Variants in C12orf56 observed in about 807,000 individuals in gnomAD.
The protein encoded by C12orf56 is uncharacterized protein C12orf56.
A neutral mutation model predicts 69.9 loss-of-function variants in C12orf56; 71 were observed. The observed-to-expected ratio is 1.02, with a 90% CI of 0.84 to 1.24. The LOEUF is 1.24. Among genes scored for constraint, C12orf56 ranks in the 50% most tolerant of loss-of-function variants. The probability of loss-of-function intolerance (pLI) is 0.00; values close to 1 mark genes in which losing one functional copy is unlikely to be tolerated. For synonymous variants in C12orf56, 276 were observed against 274.1 expected (o/e 1.01, Z -0.07); for missense variants, 732 against 738.5 (o/e 0.99, Z 0.10).
chr12:64,330,377 A>G (rs1015887075), intron 3 of C12orf56, among the ~76,000 whole-genome samples: 1 of 151,880 alleles, frequency 6.6e-6, no homozygotes, highest in Non-Finnish European at 1.5e-5. Context: ...TTCTGCCTGG[A>G]TCTCCTCTCC....
chr12:64,274,333 G>A (rs899013996), intron 11 of C12orf56, among the ~76,000 whole-genome samples: 1 of 152,218 alleles, frequency 6.6e-6, no homozygotes, highest in African/African-American at 2.4e-5. Context: ...GCCATAGCAC[G>A]CAGGGCCCTG....
At chr12:64,360,494 A>ATAGG (rs1482491697) in intron 1 of C12orf56, among the ~76,000 whole-genome samples, 1 of 152,142 alleles carries the variant, frequency 6.6e-6, no homozygotes, top group South Asian at 2.1e-4. Context: ...CATATAGATA[A>ATAGG]TAGGTAGGTA....
intron 2 of C12orf56, among the ~76,000 whole-genome samples, chr12:64,334,457 A>G (rs1027047639): frequency 6.6e-6 from 1 of 152,218 alleles, no homozygotes; most frequent in Non-Finnish European, 1.5e-5. Context: ...AAAATGGTAT[A>G]GTATTTTCAT....
At chr12:64,282,265 A>G (rs2038139475) in intron 8 of C12orf56, among the ~76,000 whole-genome samples, 1 of 152,226 alleles carries the variant, frequency 6.6e-6, no homozygotes, top group Admixed American at 6.5e-5. Flanking sequence ...AGCTCAGCAA[A>G]CTATGGCCTG....
intron 1 of C12orf56, among the ~76,000 whole-genome samples, chr12:64,358,461 A>C (rs745497380): frequency 5.3e-5 from 4 of 75,672 alleles, no homozygotes; most frequent in Non-Finnish European, 8.2e-5. Context: ...CCATCTCAAA[A>C]GTAATAATAA....
chr12:64,274,450 G>T (rs1371459695), intron 11 of C12orf56, among the ~76,000 whole-genome samples: 1 of 152,206 alleles, frequency 6.6e-6, no homozygotes, highest in East Asian at 1.9e-4. Flanking sequence ...CCCTCAGCCT[G>T]TAATCTGGTG....
intron 1 of C12orf56, among the ~76,000 whole-genome samples, chr12:64,368,168 A>G (rs2039523945): frequency 6.6e-6 from 1 of 152,086 alleles, no homozygotes; most frequent in Non-Finnish European, 1.5e-5. Context: ...CAGTAGCGCA[A>G]TCATGGCTAC....
intron 1 of C12orf56, among the ~76,000 whole-genome samples, chr12:64,353,446 C>T (rs1246118397): frequency 4.6e-5 from 7 of 152,090 alleles, no homozygotes; most frequent in East Asian, 1.9e-4. Flanking sequence ...CATAAGCCAC[C>T]GCAAAGTTTA....
chr12:64,362,493 A>G (rs572285556), intron 1 of C12orf56, among the ~76,000 whole-genome samples: 1 of 152,096 alleles, frequency 6.6e-6, no homozygotes, highest in Admixed American at 6.6e-5. Flanking sequence ...GGAGTTCAAG[A>G]CCAGCCTGGC....
chr12:64,306,337 A>G (rs966949484), intron 5 of C12orf56, among the ~76,000 whole-genome samples: 1 of 152,190 alleles, frequency 6.6e-6, no homozygotes, highest in African/African-American at 2.4e-5. Flanking sequence ...TAAGAGGAAA[A>G]TCTATACTAA....
chr12:64,388,031 G>A (rs887175943), intron 1 of C12orf56, among the ~76,000 whole-genome samples: 26 of 151,906 alleles, frequency 1.7e-4, no homozygotes, highest in African/African-American at 5.1e-4. Flanking sequence ...GTGCAACGGC[G>A]CCATCTCAGC....
At chr12:64,331,098 A>T (rs985894640) in intron 2 of C12orf56, 66 bp from the exon 3 acceptor site, 6 of 1,302,734 alleles carry the variant, frequency 4.6e-6, no homozygotes, top group Admixed American at 2.1e-5. Context: ...AAGAAGACCT[A>T]GTCTCATGTA....
chr12:64,385,434 T>C (rs1389805687), intron 1 of C12orf56, among the ~76,000 whole-genome samples: 1 of 152,140 alleles, frequency 6.6e-6, no homozygotes, highest in African/African-American at 2.4e-5. Flanking sequence ...TCCCCTGAGA[T>C]AAATGTGACA....
At chr12:64,323,663 G>A (rs2038801697) in intron 3 of C12orf56, among the ~76,000 whole-genome samples, 1 of 146,512 alleles carries the variant, frequency 6.8e-6, no homozygotes, top group Non-Finnish European at 1.5e-5. Context: ...CACAAGCCCA[G>A]CTAATTTTTG....
In C12orf56 at chr12:64,270,531, C is replaced by T. The variant is rs1429051407; in HGVS notation, c.1763+5G>A. On this transcript the variant is annotated splice_donor_5th_base_variant and intron_variant, in intron 12 of 12. Transcript: ENST00000543942. ...TGCAGATTAGATTCAGACATTTTTTCTTACCTGAATTCTTCTCTGTAGTTA... is the reference window on the plus strand; with the variant it reads ...TGCAGATTAGATTCAGACATTTTTTTTTACCTGAATTCTTCTCTGTAGTTA... 8 of 1,521,692 alleles carry T rather than the reference C, an allele frequency of 5.3e-6. No individual in the cohort carries two copies. The highest frequency in any genetic ancestry group is 4.7e-5 in the Admixed American group (2 of 42,342). The allele number at this position is 1,521,692 out of a possible 1,614,324, so 94.3% of individuals were successfully genotyped here.
chr12:64,365,723 A>C (rs2039460415), intron 1 of C12orf56, among the ~76,000 whole-genome samples: 1 of 144,454 alleles, frequency 6.9e-6, no homozygotes, highest in Non-Finnish European at 1.5e-5. Flanking sequence ...TTTATATAAT[A>C]TATAATATAT....
chr12:64,313,393 A>T (rs2038648599), intron 4 of C12orf56, among the ~76,000 whole-genome samples: 1 of 151,782 alleles, frequency 6.6e-6, no homozygotes, highest in South Asian at 2.1e-4. Context: ...AAAGTGTCTG[A>T]TCATGAAGCC....
intron 1 of C12orf56, among the ~76,000 whole-genome samples, chr12:64,380,716 C>A (rs1364924495): frequency 6.6e-6 from 1 of 152,070 alleles, no homozygotes; most frequent in African/African-American, 2.4e-5. Flanking sequence ...CACAAAAGAA[C>A]CAACCCCTAA....
chr12:64,299,179 CTGTT>C (rs1391952316), intron 6 of C12orf56, among the ~76,000 whole-genome samples: 3 of 152,194 alleles, frequency 2.0e-5, no homozygotes, highest in Non-Finnish European at 2.9e-5. Context: ...ATTTGGCTCT[CTGTT>C]TGTCTGTTAT....
Sources: gnomAD v4.1 joint callset for allele counts (sites outside exome capture counted in the v4.1 genomes callset) on GRCh38, gnomAD v4.1.1 for gene constraint, MANE v1.5 for transcripts, NCBI Gene and HGNC (gene_info 2026-07-23, HGNC 2026-07-21) for gene names.